DNAH11: variants seen among roughly 807,000 people sequenced by gnomAD.
DNAH11 encodes axonemal beta dynein heavy chain 11.
DNAH11 carries 442 observed loss-of-function variants against 526.0 expected under a neutral mutation model. The observed-to-expected ratio is 0.84, with a 90% CI of 0.78 to 0.91. The LOEUF (loss-of-function observed/expected upper bound fraction) is 0.91. Ranked by LOEUF, DNAH11 falls within the 40% of genes least tolerant of loss-of-function variation. The pLI, the probability that DNAH11 is intolerant of heterozygous loss-of-function variation, is 0.00. For synonymous variants in DNAH11, 2,461 were observed against 1,935.9 expected (o/e 1.27, Z -7.12); for missense variants, 6,989 against 5,448.7 (o/e 1.28, Z -8.90).
intron 40 of DNAH11, among the ~76,000 whole-genome samples, chr7:21,710,258 G>A (rs188400358): frequency 6.6e-6 from 1 of 152,250 alleles, no homozygotes; most frequent in East Asian, 1.9e-4. Flanking sequence ...TTTTAGGTAC[G>A]TTACCTTCTA....
Position 21,589,275 on chromosome 7 carries a change from C to T in DNAH11, c.2041C>T (p.Gln681Ter), listed in dbSNP as rs1443827540. ...TGTTGAAATGACCACTTTGCTTGAT[C>T]AATTTGAAAGTCGTATCTATAATGA... ...KYVEMTTLLD[Q>*]FESRIYNEWK... The change falls in exon 12 of 82, where the codon CAA (glutamine) becomes TAA (stop). Residue 681 changes from glutamine (Q) to a stop codon, truncating the protein, a stop_gained. Coordinates refer to ENST00000409508, the MANE Select transcript of DNAH11 (RefSeq NM_001277115.2). LOFTEE classifies it high-confidence loss of function. 2 of 1,609,298 alleles carry T rather than the reference C, an allele frequency of 1.2e-6. No homozygotes were observed. Among genetic ancestry groups the T allele is most frequent in the Non-Finnish European group, 1.7e-6 (2 of 1,178,480 alleles).
At chr7:21,665,849 T>C (rs975731957) in intron 30 of DNAH11, among the ~76,000 whole-genome samples, 7 of 152,126 alleles carry the variant, frequency 4.6e-5, no homozygotes, top group Admixed American at 2.6e-4. Flanking sequence ...ACATGTATAT[T>C]ACAGAAGCTA....
chr7:21,793,620 A>AAG (rs2127990447), intron 61 of DNAH11, among the ~76,000 whole-genome samples: 2 of 152,068 alleles, frequency 1.3e-5, no homozygotes, highest in South Asian at 4.1e-4. Flanking sequence ...TGTCTCAAAA[A>AAG]AAAAAAAAAA....
At chr7:21,832,942 T>G (rs147851671) in intron 65 of DNAH11, among the ~76,000 whole-genome samples, 1 of 152,158 alleles carries the variant, frequency 6.6e-6, no homozygotes, top group Non-Finnish European at 1.5e-5. Flanking sequence ...CTTTAAAAAA[T>G]AAGTTAATCA....
At chr7:21,825,600 G>C (rs7800650) in intron 65 of DNAH11, among the ~76,000 whole-genome samples, 4,613 of 150,854 alleles carry the variant, frequency 0.031, 111 homozygotes, top group Non-Finnish European at 0.046. Context: ...TTCCTATGAC[G>C]AACTATTCCT....
intron 62 of DNAH11, among the ~76,000 whole-genome samples, chr7:21,802,947 T>C (rs1188246899): frequency 6.7e-6 from 1 of 149,060 alleles, no homozygotes. Flanking sequence ...TATATATATA[T>C]AATATATATA....
rs151139517 is a variant in DNAH11, at chr7:21,850,508, C to T, written c.10897-1959C>T. Among the ~76,000 whole-genome samples, 94 of 151,520 alleles carry T rather than the reference C, an allele frequency of 6.2e-4. No individual in the cohort carries two copies. The East Asian group carries it at 0.014, about 23-fold the overall frequency. On this transcript the variant is annotated intron_variant, in intron 66 of 81. Coordinates refer to ENST00000409508, the MANE Select transcript of DNAH11 (RefSeq NM_001277115.2). ...CATGGTGTTCACTTTTCCATTAAAC[C>T]CGTTAGCACATTAAGTAGTTATTTT... is the stretch of plus-strand genomic sequence containing the variant.
intron 73 of DNAH11, among the ~76,000 whole-genome samples, chr7:21,871,079 C>T (rs997029519): frequency 2.0e-5 from 3 of 152,202 alleles, no homozygotes; most frequent in African/African-American, 7.2e-5. Context: ...TTAATTAGTT[C>T]TTACCTAAGC....
chr7:21,855,037 T>TTTG lies in DNAH11; in HGVS notation c.11202+584_11202+585insGTT, dbSNP rs1246811901. On this transcript the variant is annotated intron_variant, in intron 68 of 81. Transcript: ENST00000409508. The stretch of plus-strand genomic sequence containing the variant: ...TCCTGAGCAGTCTCTTAATTTTTTT[T>TTTG]TTTTTTTTTTTTGGGATGGAGTCTC... Among the ~76,000 whole-genome samples, 2 of 149,560 alleles carry TTTG rather than the reference T, an allele frequency of 1.3e-5. 1 individual carries two copies. Among genetic ancestry groups the TTTG allele is most frequent in the African/African-American group, 5.0e-5 (2 of 40,338 alleles).
At chr7:21,794,215 G>A (rs1293995335) in intron 61 of DNAH11, among the ~76,000 whole-genome samples, 1 of 152,034 alleles carries the variant, frequency 6.6e-6, no homozygotes, top group Admixed American at 6.6e-5. Flanking sequence ...TGATCTGAGA[G>A]CTCCCACATC....
At chr7:21,572,864 G>T (rs1307965419) in intron 8 of DNAH11, among the ~76,000 whole-genome samples, 1 of 152,148 alleles carries the variant, frequency 6.6e-6, no homozygotes, top group East Asian at 1.9e-4. Context: ...AAAGTATGAG[G>T]AACCTAGGAT....
At chr7:21,719,901 T>A (rs1009219523) in intron 43 of DNAH11, among the ~76,000 whole-genome samples, 1 of 152,190 alleles carries the variant, frequency 6.6e-6, no homozygotes, top group African/African-American at 2.4e-5. Flanking sequence ...TAATGACGAC[T>A]TTCTGTGCTT....
At chr7:21,636,119 C>G (rs1786853118) in intron 26 of DNAH11, 24 bp downstream of exon 26, 3 of 1,557,608 alleles carry the variant, frequency 1.9e-6, no homozygotes, top group Non-Finnish European at 2.6e-6. Context: ...AGGCTGTATG[C>G]TATTCTAGCA....
intron 44 of DNAH11, among the ~76,000 whole-genome samples, chr7:21,724,074 T>G (rs1784983097): frequency 6.6e-6 from 1 of 152,210 alleles, no homozygotes; most frequent in East Asian, 1.9e-4. Context: ...TTTAGTTGAA[T>G]TAATTAATGA....
At chr7:21,728,413 C>G (rs760195908) in intron 45 of DNAH11, among the ~76,000 whole-genome samples, 1 of 151,794 alleles carries the variant, frequency 6.6e-6, no homozygotes, top group Non-Finnish European at 1.5e-5. Context: ...AACCCACCAC[C>G]ATGCCCGGCT....
At chr7:21,720,400 C>T (rs1445149843) in intron 43 of DNAH11, among the ~76,000 whole-genome samples, 1 of 150,272 alleles carries the variant, frequency 6.7e-6, no homozygotes, top group East Asian at 1.9e-4. Flanking sequence ...AAAATGATTT[C>T]CTATTTATAA....
At chr7:21,776,897 A>G (rs575348422) in intron 56 of DNAH11, among the ~76,000 whole-genome samples, 1 of 152,212 alleles carries the variant, frequency 6.6e-6, no homozygotes, top group South Asian at 2.1e-4. Context: ...CATTGGTACA[A>G]TCCACAGACC....
At chr7:21,847,310 A>G (rs1486027655) in intron 66 of DNAH11, among the ~76,000 whole-genome samples, 1 of 152,186 alleles carries the variant, frequency 6.6e-6, no homozygotes, top group African/African-American at 2.4e-5. Context: ...CTTTTCTAAT[A>G]TATGCATTCA....
At chr7:21,782,664 C>T (rs935885138) in intron 57 of DNAH11, among the ~76,000 whole-genome samples, 2 of 152,168 alleles carry the variant, frequency 1.3e-5, no homozygotes, top group African/African-American at 4.8e-5. Flanking sequence ...GTAATCTCAG[C>T]ACTTTGAGAG....
Sources: allele counts gnomAD v4.1 joint callset (sites outside exome capture counted in the v4.1 genomes callset), GRCh38; gene constraint gnomAD v4.1.1; transcripts MANE v1.5; gene names NCBI Gene and HGNC (gene_info 2026-07-23, HGNC 2026-07-21).